The following DIMT1 variants were observed in gnomAD, a reference collection of about 807,000 sequenced individuals.
DIMT1 encodes the protein DIM1 rRNA methyltransferase and ribosome maturation factor.
A neutral mutation model predicts 43.2 loss-of-function variants in DIMT1; 36 were observed. The observed-to-expected ratio is 0.83, with a 90% CI of 0.64 to 1.10. The LOEUF (loss-of-function observed/expected upper bound fraction) is 1.10. DIMT1 is among the 50% of genes least tolerant of loss of function. DIMT1 has a pLI of 0.00. For missense variants in DIMT1, 341 were observed against 385.3 expected, an observed-to-expected ratio of 0.88 and a Z score of 0.96; for synonymous variants, 126 against 130.3, an observed-to-expected ratio of 0.97 and a Z score of 0.22.
chr5:62,387,729 T>C lies in DIMT1; in HGVS notation c.*1281A>G, dbSNP rs1202389847. On this transcript the variant is annotated 3_prime_UTR_variant, in exon 12 of 12. Coordinates refer to ENST00000199320, the MANE Select transcript of DIMT1 (RefSeq NM_014473.4). Reference sequence around the variant, plus strand: ...TACAAGTGAACTCTGCAAAATAGTTTTGTGAAATTAAACAAAAAAATCTAC... The same window carrying C: ...TACAAGTGAACTCTGCAAAATAGTTCTGTGAAATTAAACAAAAAAATCTAC... 6.6e-6 allele frequency: 1 copy of C among 150,812 alleles called. No individual in the cohort carries two copies. The highest frequency in any genetic ancestry group is 2.0e-4 in the East Asian group (1 of 5,128). The allele number at this position is 150,812 out of a possible 1,614,324, so 9.3% of individuals were successfully genotyped here.
At chr5:62,401,950 A>ATTAG in intron 3 of DIMT1, 86 bp downstream of exon 3, 2 of 1,287,460 alleles carry the variant, frequency 1.6e-6, no homozygotes, top group Non-Finnish European at 1.1e-6. Context: ...AATAATAGCA[A>ATTAG]TTAGTTAAAA....
chr5:62,390,591 A>G (rs1409964538), intron 11 of DIMT1, among the ~76,000 whole-genome samples: 4 of 152,296 alleles, frequency 2.6e-5, no homozygotes, highest in East Asian at 1.9e-4. Flanking sequence ...AAGGAGCAGG[A>G]AGGGAGGAAC....
chr5:62,394,162 T>G, intron 7 of DIMT1, 115 bp from the exon 8 acceptor site: 1 of 1,006,806 alleles, frequency 9.9e-7, no homozygotes, highest in Non-Finnish European at 1.5e-6. Flanking sequence ...TTAAGCTAGA[T>G]TATTTCAATA....
At position 62,399,539 on chromosome 5, in the gene DIMT1, G is replaced by A. The variant is rs192799065; in HGVS notation, c.241-658C>T. 3.0e-3 allele frequency among the ~76,000 whole-genome samples: 454 copies of A among 152,038 alleles called. 2 individuals carry two copies. The highest frequency in any genetic ancestry group is 0.011 in the African/African-American group (442 of 41,464). Reference sequence around the variant, plus strand: ...GGCGCCTGTAATCCCAGCTACTCAGGAGGCTGAGGCAGGAGAATTGCTTGA... The same window carrying A: ...GGCGCCTGTAATCCCAGCTACTCAGAAGGCTGAGGCAGGAGAATTGCTTGA... On this transcript the variant is annotated intron_variant, in intron 3 of 11. Coordinates refer to ENST00000199320, the MANE Select transcript of DIMT1 (RefSeq NM_014473.4).
At chr5:62,390,274 A>G (rs1240411743) in intron 11 of DIMT1, among the ~76,000 whole-genome samples, 1 of 152,256 alleles carries the variant, frequency 6.6e-6, no homozygotes, top group Non-Finnish European at 1.5e-5. Context: ...TTCTGTTTTC[A>G]TAAGACTTAC....
rs1368587742 is a variant in DIMT1 at position 62,388,541 on chromosome 5, G to C, written c.*469C>G. The C allele has an allele frequency of 6.5e-6, 1 of 154,498 alleles. No individual in the cohort carries two copies. The highest frequency in any genetic ancestry group is 2.4e-5 in the African/African-American group (1 of 41,474). The allele number at this position is 154,498 out of a possible 1,614,324, so 9.6% of individuals were successfully genotyped here. On this transcript the variant is annotated 3_prime_UTR_variant, in exon 12 of 12. Coordinates refer to ENST00000199320, the MANE Select transcript of DIMT1 (RefSeq NM_014473.4). ...AATAAAAATAATTTAAGAAACAATT[G>C]TTTTACTGTACATGTGAATAACAAG...
At chr5:62,389,209 G>A (rs1742177373) in intron 11 of DIMT1, among the ~76,000 whole-genome samples, 157 bp from the exon 12 acceptor site, 1 of 151,950 alleles carries the variant, frequency 6.6e-6, no homozygotes, top group African/African-American at 2.4e-5. Flanking sequence ...TTACTGGCTG[G>A]GCGCAGTGGC....
intron 8 of DIMT1, among the ~76,000 whole-genome samples, chr5:62,393,687 A>C (rs550540538): frequency 1.2e-4 from 18 of 152,212 alleles, no homozygotes; most frequent in African/African-American, 4.1e-4. Context: ...GTTACCCATA[A>C]TACTACTTTA....
At chr5:62,391,808 CG>C in intron 10 of DIMT1, 2 of 1,409,612 alleles carry the variant, frequency 1.4e-6, no homozygotes, top group Non-Finnish European at 1.8e-6. Flanking sequence ...AGAAACAAGA[CG>C]TGGTCACAAT....
At chr5:62,399,152 A>G (rs192102043) in intron 3 of DIMT1, among the ~76,000 whole-genome samples, 151 of 152,250 alleles carry the variant, frequency 9.9e-4, no homozygotes, top group African/African-American at 3.6e-3. Flanking sequence ...CAACATGGTG[A>G]AACCCCATCT....
chr5:62,403,625 G>A, intron 1 of DIMT1, 69 bp downstream of exon 1: 1 of 1,522,526 alleles, frequency 6.6e-7, no homozygotes, highest in Non-Finnish European at 8.9e-7. Context: ...GTCTTGGTCC[G>A]CACCCCAGGC....
chr5:62,403,813 G>A lies in DIMT1; in HGVS notation c.-41C>T, dbSNP rs754566676. On this transcript the variant is annotated 5_prime_UTR_variant, in exon 1 of 12. Coordinates refer to ENST00000199320, the MANE Select transcript of DIMT1 (RefSeq NM_014473.4). ...GCCCACAGGCCCGGGACGTCAAGGA[G>A]GACCAAAGAGGGCTAGCGTGAGAAA... 6.3e-7 allele frequency: 1 copy of A among 1,591,048 alleles called. No individual in the cohort carries two copies. Among genetic ancestry groups the A allele is most frequent in the Admixed American group, 1.7e-5 (1 of 57,644 alleles).
intron 6 of DIMT1, 101 bp from the exon 7 acceptor site, chr5:62,394,708 G>C: frequency 6.6e-7 from 1 of 1,514,212 alleles, no homozygotes; most frequent in Non-Finnish European, 9.0e-7. Context: ...GCAAAGCATT[G>C]GCAGCTGATT....
chr5:62,399,771 C>T (rs989822296), intron 3 of DIMT1, among the ~76,000 whole-genome samples: 5 of 144,642 alleles, frequency 3.5e-5, no homozygotes, highest in South Asian at 2.2e-4. Flanking sequence ...CTGGGCGTGG[C>T]GGCACGTGCC....
At chr5:62,398,102 C>T (rs1742563898) in intron 6 of DIMT1, among the ~76,000 whole-genome samples, 2 of 152,078 alleles carry the variant, frequency 1.3e-5, no homozygotes, top group Non-Finnish European at 2.9e-5. Flanking sequence ...CTAGATCCTG[C>T]TCAGTTAGTA....
intron 10 of DIMT1, 116 bp from the exon 11 acceptor site, chr5:62,391,098 G>T: frequency 1.3e-6 from 1 of 753,142 alleles, no homozygotes; most frequent in South Asian, 1.9e-5. Flanking sequence ...CTGTTAATGA[G>T]ACTTTGGAAA....
chr5:62,403,360 C>G lies in DIMT1; in HGVS notation c.80-14G>C. 6.2e-7 allele frequency: 1 copy of G among 1,611,196 alleles called. No homozygotes were observed. The highest frequency in any genetic ancestry group is 8.5e-7 in the Non-Finnish European group (1 of 1,177,528). On this transcript the variant is annotated splice_polypyrimidine_tract_variant and intron_variant, in intron 1 of 11. Coordinates refer to ENST00000199320, the MANE Select transcript of DIMT1 (RefSeq NM_014473.4). ...TGAACATGAGTCCTGTAAGAAAATA[C>G]GAAACAGCATTAATTTTCCTACTGA... is the stretch of plus-strand genomic sequence containing the variant.
At chr5:62,400,394 T>C (rs759549443) in intron 3 of DIMT1, among the ~76,000 whole-genome samples, 4 of 151,922 alleles carry the variant, frequency 2.6e-5, no homozygotes, top group Non-Finnish European at 5.9e-5. Flanking sequence ...ACCACAGGTG[T>C]GTACCAGCAC....
Position 62,388,584 on chromosome 5 carries a change from T to C in DIMT1, c.*426A>G, listed in dbSNP as rs1444074956. 6.3e-6 allele frequency: 1 copy of C among 159,934 alleles called. No individual in the cohort carries two copies. The highest frequency in any genetic ancestry group is 1.9e-4 in the East Asian group (1 of 5,374). The allele number at this position is 159,934 out of a possible 1,614,324, so 9.9% of individuals were successfully genotyped here. A position where few individuals can be genotyped will look rare whatever the true frequency, so the allele number is the denominator to read the frequency against. On this transcript the variant is annotated 3_prime_UTR_variant, in exon 12 of 12. Coordinates refer to ENST00000199320, the MANE Select transcript of DIMT1 (RefSeq NM_014473.4). ...ATAACAAGAAATGGTACGGGGAATG[T>C]GAATAACACGAAATGGTATGGGGAA...
Sources: gnomAD v4.1 joint callset for allele counts (sites outside exome capture counted in the v4.1 genomes callset) on GRCh38, gnomAD v4.1.1 for gene constraint, MANE v1.5 for transcripts, NCBI Gene and HGNC (gene_info 2026-07-23, HGNC 2026-07-21) for gene names.